Variants in TSPEAR observed in about 807,000 individuals in gnomAD.
TSPEAR encodes the protein thrombospondin-type laminin G domain and EAR repeat-containing protein.
A neutral mutation model predicts 71.6 loss-of-function variants in TSPEAR; 69 were observed. That is an observed-to-expected ratio of 0.96 (90% CI 0.79 to 1.18). The LOEUF is 1.18. TSPEAR is among the 50% of genes most tolerant of loss of function. The probability of loss-of-function intolerance (pLI) is 0.00; values close to 1 mark genes in which losing one functional copy is unlikely to be tolerated. For synonymous variants in TSPEAR, 402 were observed against 387.2 expected (o/e 1.04, Z -0.45); for missense variants, 971 against 894.9 (o/e 1.09, Z -1.09).
At chr21:44,544,405 G>A (rs782310148) in intron 2 of TSPEAR, among the ~76,000 whole-genome samples, 1 of 152,168 alleles carries the variant, frequency 6.6e-6, no homozygotes, top group South Asian at 2.1e-4. Flanking sequence ...ATGTATTGAT[G>A]GTGTTGGTGG....
chr21:44,500,471 G>C (rs782468846), intron 11 of TSPEAR, among the ~76,000 whole-genome samples: 1 of 152,246 alleles, frequency 6.6e-6, no homozygotes. Flanking sequence ...TTCCATTTCC[G>C]AGGCGTGGAG....
At chr21:44,658,231 C>T (rs1267818319) in intron 1 of TSPEAR, 6 of 1,614,042 alleles carry the variant, frequency 3.7e-6, no homozygotes. Flanking sequence ...CCACTGCCCT[C>T]TGCAGACCCA....
chr21:44,592,864 C>A (rs1278186340), intron 1 of TSPEAR, among the ~76,000 whole-genome samples: 1 of 152,166 alleles, frequency 6.6e-6, no homozygotes, highest in Non-Finnish European at 1.5e-5. Context: ...GTGGTGAAAA[C>A]CCCTCATCCA....
At chr21:44,582,584 C>T (rs1006193265) in intron 1 of TSPEAR, among the ~76,000 whole-genome samples, 1 of 152,166 alleles carries the variant, frequency 6.6e-6, no homozygotes, top group African/African-American at 2.4e-5. Context: ...CTCTGTCGCT[C>T]CCTTCTCCTG....
Position 44,679,945 on chromosome 21 carries a change from C to A in TSPEAR, c.82+31488G>T, listed in dbSNP as rs190506262. Among the ~76,000 whole-genome samples, 796 of 152,202 alleles carry A rather than the reference C, an allele frequency of 5.2e-3. 4 individuals are homozygous for A. Among genetic ancestry groups the A allele is most frequent in the African/African-American group, 0.018 (767 of 41,528 alleles). On this transcript the variant is annotated intron_variant, in intron 1 of 11. Coordinates refer to ENST00000323084, the MANE Select transcript of TSPEAR (RefSeq NM_144991.3). ...AAACCATAAAGCTACTAGAAGAAAA[C>A]ATAAATGAAATGCTCCAGGACATTG...
At chr21:44,650,643 G>C (rs1205264631) in intron 1 of TSPEAR, among the ~76,000 whole-genome samples, 1 of 152,254 alleles carries the variant, frequency 6.6e-6, no homozygotes, top group African/African-American at 2.4e-5. Context: ...CAGTCCTCCA[G>C]AACCGTGAGA....
intron 1 of TSPEAR, among the ~76,000 whole-genome samples, chr21:44,693,224 C>G (rs531663267): frequency 6.6e-6 from 1 of 152,020 alleles, no homozygotes. Context: ...TGGATCAATG[C>G]CCTAAATATG....
chr21:44,649,378 GT>G (rs1445944004), intron 1 of TSPEAR, among the ~76,000 whole-genome samples: 1 of 152,198 alleles, frequency 6.6e-6, no homozygotes, highest in Non-Finnish European at 1.5e-5. Context: ...GGTAACGGAA[GT>G]TTCTAGATAT....
chr21:44,677,192 A>G lies in TSPEAR; in HGVS notation c.82+34241T>C, dbSNP rs1986355916. 6 of 712,162 alleles carry G rather than the reference A, an allele frequency of 8.4e-6. No homozygotes were observed. In the East Asian group the frequency reaches 1.6e-4, roughly 19 times the overall value. 44.1% of individuals were successfully genotyped at this position (712,162 alleles called of 1,614,324 possible). A position where few individuals can be genotyped will look rare whatever the true frequency, so the allele number is the denominator to read the frequency against. The stretch of plus-strand genomic sequence containing the variant: ...CCCCAGCAACCTCTTCTTTCTTTGC[A>G]TTTTCAGTCACACTTTTCATCTTCT... On this transcript the variant is annotated intron_variant, in intron 1 of 11. Coordinates refer to ENST00000323084, the MANE Select transcript of TSPEAR (RefSeq NM_144991.3).
In TSPEAR at chr21:44,657,804, A is replaced by G. The variant is rs182968445; in HGVS notation, c.82+53629T>C. The G allele has an allele frequency of 3.1e-5, 20 of 636,588 alleles. No homozygotes were observed. The African/African-American group carries it at 3.6e-4, about 12-fold the overall frequency. The allele number at this position is 636,588 out of a possible 1,614,324, so 39.4% of individuals were successfully genotyped here. ...TATTTATGGTGGAGCATGACGCGGG[A>G]AAGTACACGCGGGAAAATAAGATGT... is the stretch of plus-strand genomic sequence containing the variant. On this transcript the variant is annotated intron_variant, in intron 1 of 11. Transcript: ENST00000323084.
rs191759033 is a variant in TSPEAR, at chr21:44,509,558, C to G, written c.1567-172G>C. 9.4e-4 allele frequency among the ~76,000 whole-genome samples: 139 copies of G among 148,484 alleles called. 1 individual carries two copies. Among genetic ancestry groups the G allele is most frequent in the Middle Eastern group, 3.5e-3 (1 of 286 alleles). ...GAGCGGGCGCAGAGGTGTGGGTGAG[C>G]GGGCGCAGAGGTGTGGGAGAGCGGG... On this transcript the variant is annotated intron_variant, in intron 9 of 11. Transcript: ENST00000323084.
At chr21:44,667,758 T>G (rs1985864159) in intron 1 of TSPEAR, among the ~76,000 whole-genome samples, 1 of 152,206 alleles carries the variant, frequency 6.6e-6, no homozygotes, top group African/African-American at 2.4e-5. Flanking sequence ...AGCCTACAGA[T>G]GTCAACACCA....
Position 44,567,825 on chromosome 21 carries a change from G to C in TSPEAR, c.263C>G (p.Ser88Cys). Reference sequence around the variant, plus strand: ...GGGAACTCTCAAAGTTACGACGATGGAAAATTCTTCAGGGAAGAGGTCACA... The same window carrying C: ...GGGAACTCTCAAAGTTACGACGATGCAAAATTCTTCAGGGAAGAGGTCACA... Reference protein sequence around the residue: ...SQCDLFPEEFSIVVTLRVPNL... With the variant: ...SQCDLFPEEFCIVVTLRVPNL... The change falls in exon 2 of 12, where the codon TCC becomes TGC. Residue 88 changes from serine (S) to cysteine (C), a missense_variant. Transcript: ENST00000323084. 1 of 1,601,408 alleles carries C rather than the reference G, an allele frequency of 6.2e-7. No individual in the cohort carries two copies. The highest frequency in any genetic ancestry group is 8.5e-7 in the Non-Finnish European group (1 of 1,172,788).
At chr21:44,608,490 G>A (rs1448209900) in intron 1 of TSPEAR, among the ~76,000 whole-genome samples, 8 of 152,118 alleles carry the variant, frequency 5.3e-5, no homozygotes, top group African/African-American at 1.2e-4. Context: ...GTTATTGAAC[G>A]TTCACTGACA....
chr21:44,653,242 G>A (rs186456466), intron 1 of TSPEAR, among the ~76,000 whole-genome samples: 55 of 152,266 alleles, frequency 3.6e-4, no homozygotes, highest in Non-Finnish European at 5.3e-4. Context: ...ATGCCTCTGC[G>A]GTCCATAACC....
intron 1 of TSPEAR, among the ~76,000 whole-genome samples, chr21:44,689,739 A>ATATATATATTTTTTTTTTTTTT (rs1555949531): frequency 7.8e-6 from 1 of 128,172 alleles, no homozygotes; most frequent in African/African-American, 3.2e-5. Context: ...ATATATATAT[A>ATATATATATTTTTTTTTTTTTT]TTTTGGGGGG....
chr21:44,506,113 A>C lies in TSPEAR; in HGVS notation c.1755-1232T>G, dbSNP rs2052194164. 1.3e-5 allele frequency among the ~76,000 whole-genome samples: 2 copies of C among 152,288 alleles called. No homozygotes were observed. Among genetic ancestry groups the C allele is most frequent in the South Asian group, 2.1e-4 (1 of 4,828 alleles). On this transcript the variant is annotated intron_variant, in intron 10 of 11. Coordinates refer to ENST00000323084, the MANE Select transcript of TSPEAR (RefSeq NM_144991.3). The surrounding 1 kb of genome is among the most constrained non-coding windows in gnomAD (Gnocchi z 4.2). ...ACCTGCAGGACCTGCTCGTTCACAG[A>C]TGTTCTCCTAGAAGCAGAAGCTGTT...
At chr21:44,702,264 G>C in intron 1 of TSPEAR, 1 of 1,606,630 alleles carries the variant, frequency 6.2e-7, no homozygotes, top group Non-Finnish European at 8.5e-7. Context: ...ACGACTGCCC[G>C]GAGAGCTGCT....
At chr21:44,503,429 C>CA (rs1158275525) in intron 11 of TSPEAR, among the ~76,000 whole-genome samples, 1 of 118,888 alleles carries the variant, frequency 8.4e-6, no homozygotes, top group African/African-American at 3.3e-5. Flanking sequence ...GGTGAGCCCT[C>CA]GGGGGGAAGC....
Sources: gnomAD v4.1 joint callset for allele counts (sites outside exome capture counted in the v4.1 genomes callset) on GRCh38, gnomAD v4.1.1 for gene constraint, Gnocchi (gnomAD v3.1) non-coding constraint, MANE v1.5 for transcripts, NCBI Gene and HGNC (gene_info 2026-07-23, HGNC 2026-07-21) for gene names.